The following MINDY4 variants were observed in gnomAD, a reference collection of about 807,000 sequenced individuals.
MINDY4 encodes the protein probable ubiquitin carboxyl-terminal hydrolase MINDY-4.
MINDY4 carries 68 observed loss-of-function variants against 87.0 expected under a neutral mutation model. The observed-to-expected ratio is 0.78, with a 90% CI of 0.64 to 0.96. The LOEUF (loss-of-function observed/expected upper bound fraction) is 0.96, where lower values mean the gene tolerates loss of function less well. MINDY4 is among the 40% of genes least tolerant of loss of function. The pLI, the probability that MINDY4 is intolerant of heterozygous loss-of-function variation, is 0.00. For missense variants in MINDY4, 919 were observed against 928.2 expected (o/e 0.99, Z 0.13); for synonymous variants, 379 against 363.2 (o/e 1.04, Z -0.50).
rs1214116381 is a variant in MINDY4 at position 30,872,294 on chromosome 7, C to T, written c.1797C>T (p.Gly599=). ...CCAGCCACCTGATTGGAGCACATGG[C>T]TACTGTACACAGGTCAGGGGGCGCT... ...VPTSHLIGAH[G]YCTQELVNLL... Residue 599 remains glycine, a synonymous_variant, in exon 14 of 18, where the codon GGC becomes GGT. Transcript: ENST00000265299. The T allele has an allele frequency of 6.2e-7, 1 of 1,614,112 alleles. No individual in the cohort carries two copies. Among genetic ancestry groups the T allele is most frequent in the East Asian group, 2.2e-5 (1 of 44,874 alleles).
At chr7:30,879,938 CA>C (rs58827764) in intron 15 of MINDY4, among the ~76,000 whole-genome samples, 21,341 of 152,012 alleles carry the variant, frequency 0.14, 3,670 homozygotes, top group African/African-American at 0.41. Flanking sequence ...CTTAGTGATA[CA>C]AAAAATAATG....
chr7:30,828,902 C>G (rs753605264), intron 6 of MINDY4, among the ~76,000 whole-genome samples, 165 bp downstream of exon 6: 8 of 152,076 alleles, frequency 5.3e-5, no homozygotes, highest in African/African-American at 9.7e-5. Flanking sequence ...TGATTGATGT[C>G]TTCTACTGCT....
intron 3 of MINDY4, among the ~76,000 whole-genome samples, chr7:30,784,650 G>A (rs1274279959): frequency 6.6e-6 from 1 of 152,218 alleles, no homozygotes; most frequent in Non-Finnish European, 1.5e-5. Flanking sequence ...AGAGGCCTGC[G>A]TGCTGGGGCT....
At chr7:30,890,287 A>G (rs1233780074) in intron 17 of MINDY4, among the ~76,000 whole-genome samples, 1 of 152,236 alleles carries the variant, frequency 6.6e-6, no homozygotes, top group Non-Finnish European at 1.5e-5. Context: ...AGGGAGCACA[A>G]CGTAGGGCAG....
chr7:30,808,387 A>C (rs1355231794), intron 5 of MINDY4, among the ~76,000 whole-genome samples: 1 of 152,050 alleles, frequency 6.6e-6, no homozygotes, highest in Non-Finnish European at 1.5e-5. Flanking sequence ...TGGTTTTCAC[A>C]TGGCTTGGAT....
At chr7:30,878,921 C>G (rs759333756) in intron 15 of MINDY4, among the ~76,000 whole-genome samples, 3 of 152,228 alleles carry the variant, frequency 2.0e-5, no homozygotes, top group Non-Finnish European at 4.4e-5. Flanking sequence ...CCACCAGCAT[C>G]GCTGATTTTG....
chr7:30,813,009 C>T (rs1788048900), intron 5 of MINDY4, among the ~76,000 whole-genome samples: 2 of 152,242 alleles, frequency 1.3e-5, no homozygotes, highest in Non-Finnish European at 2.9e-5. Context: ...TTCTCGCCCA[C>T]ACCATCCAGA....
chr7:30,879,722 G>C (rs1174642515), intron 15 of MINDY4, among the ~76,000 whole-genome samples: 2 of 152,188 alleles, frequency 1.3e-5, no homozygotes, highest in African/African-American at 4.8e-5. Context: ...TCTAAGTAGG[G>C]GGTCCTTCTC....
intron 7 of MINDY4, among the ~76,000 whole-genome samples, chr7:30,837,354 C>T (rs1339413012): frequency 6.6e-6 from 1 of 152,194 alleles, no homozygotes; most frequent in Non-Finnish European, 1.5e-5. Context: ...GATGGAATGT[C>T]ATTCCCGCTG....
chr7:30,839,598 G>C lies in MINDY4; in HGVS notation c.1356+282G>C, dbSNP rs117925922. 7.1e-3 allele frequency among the ~76,000 whole-genome samples: 1,078 copies of C among 152,332 alleles called. 8 individuals carry two copies. The highest frequency in any genetic ancestry group is 0.012 in the Non-Finnish European group (824 of 68,030). On this transcript the variant is annotated intron_variant, in intron 8 of 17. Coordinates refer to ENST00000265299, the MANE Select transcript of MINDY4 (RefSeq NM_032222.3). ...GCAGGTGCTGGGATCCTCAGCAGGA[G>C]AGAGAGCAGTAGGAGGCCTTCAGTC...
chr7:30,865,259 G>A (rs1461572256), intron 13 of MINDY4, among the ~76,000 whole-genome samples: 1 of 152,214 alleles, frequency 6.6e-6, no homozygotes, highest in East Asian at 1.9e-4. Context: ...TACCCAGCAT[G>A]CTAAGACCTT....
chr7:30,791,727 G>C (rs1185370697), intron 5 of MINDY4, among the ~76,000 whole-genome samples, 153 bp downstream of exon 5: 1 of 152,158 alleles, frequency 6.6e-6, no homozygotes, highest in Non-Finnish European at 1.5e-5. Context: ...AGTTTGTTAT[G>C]GTCAACCAGG....
At chr7:30,862,176 A>G (rs1014832698) in intron 13 of MINDY4, among the ~76,000 whole-genome samples, 1 of 152,324 alleles carries the variant, frequency 6.6e-6, no homozygotes, top group African/African-American at 2.4e-5. Context: ...GAGGGCCTGC[A>G]GGAGATGTGG....
At chr7:30,858,889 A>G (rs1789661002) in intron 12 of MINDY4, 2 of 443,202 alleles carry the variant, frequency 4.5e-6, no homozygotes, top group Admixed American at 5.0e-5. Context: ...GCTAGAGGGC[A>G]GTAATCATAG....
rs759294830 is a variant in MINDY4, at chr7:30,791,562, C to A, written c.1061C>A (p.Pro354His). 11 of 1,611,164 alleles carry A rather than the reference C, an allele frequency of 6.8e-6. No homozygotes were observed. Among genetic ancestry groups the A allele is most frequent in the Non-Finnish European group, 9.3e-6 (11 of 1,178,510 alleles). Residue 354 changes from proline to histidine, a missense_variant, in exon 5 of 18, where the codon CCC becomes CAC. Physicochemically the swap from Pro to His is moderately conservative, Grantham distance 77. Transcript: ENST00000265299. Reference protein sequence around the residue: ...ERAFKRQGSQPAPVRKNQLLP... With the variant: ...ERAFKRQGSQHAPVRKNQLLP... Reference sequence around the variant, plus strand: ...GCGTTCAAACGGCAGGGCAGCCAGCCCGCACCTGTCAGGTGAGTGTGCTAT... The same window carrying A: ...GCGTTCAAACGGCAGGGCAGCCAGCACGCACCTGTCAGGTGAGTGTGCTAT...
intron 6 of MINDY4, among the ~76,000 whole-genome samples, chr7:30,832,065 C>A (rs532323709): frequency 6.6e-6 from 1 of 152,206 alleles, no homozygotes; most frequent in South Asian, 2.1e-4. Context: ...TAAACCAACT[C>A]CCTGCACTTG....
At chr7:30,833,875 G>A (rs62449070) in intron 6 of MINDY4, among the ~76,000 whole-genome samples, 13,489 of 152,302 alleles carry the variant, frequency 0.089, 751 homozygotes, top group African/African-American at 0.14. Flanking sequence ...GCTCCAAAGT[G>A]ATCTCCTTTG....
chr7:30,839,187 CTTCTT>C lies in MINDY4; in HGVS notation c.1240-10_1240-6del. The C allele has an allele frequency of 1.3e-6, 2 of 1,562,678 alleles. No individual in the cohort carries two copies. Among genetic ancestry groups the C allele is most frequent in the Non-Finnish European group, 1.7e-6 (2 of 1,144,762 alleles). On this transcript the variant is annotated splice_region_variant and splice_polypyrimidine_tract_variant and intron_variant, in intron 7 of 17. Coordinates refer to ENST00000265299, the MANE Select transcript of MINDY4 (RefSeq NM_032222.3). The stretch of plus-strand genomic sequence containing the variant: ...TTTAAAACAACCAGTAAAACTCTCT[CTTCTT>C]TTTATAGGAAATAAAGACCCTTCTG...
chr7:30,845,228 A>T (rs1163313277), intron 9 of MINDY4, among the ~76,000 whole-genome samples: 1 of 151,690 alleles, frequency 6.6e-6, no homozygotes, highest in Non-Finnish European at 1.5e-5. Context: ...TCACGGTGGA[A>T]CCTCCCCTTT....
Sources: gnomAD v4.1 joint callset for allele counts (sites outside exome capture counted in the v4.1 genomes callset) on GRCh38, gnomAD v4.1.1 for gene constraint, MANE v1.5 for transcripts, NCBI Gene and HGNC (gene_info 2026-07-23, HGNC 2026-07-21) for gene names.